RAB3GAP2: variants seen among roughly 807,000 people sequenced by gnomAD.
RAB3GAP2 encodes the protein RAB3 GTPase activating non-catalytic protein subunit 2.
In RAB3GAP2, 87 loss-of-function variants were observed where a neutral mutation model predicts 185.3. The ratio of observed to expected loss-of-function variants is 0.47; its 90% confidence interval spans 0.39 to 0.56. The LOEUF (loss-of-function observed/expected upper bound fraction) is 0.56, where lower values mean the gene tolerates loss of function less well. Ranked by LOEUF, RAB3GAP2 falls within the 20% of genes least tolerant of loss-of-function variation. The pLI is 0.00. For synonymous variants in RAB3GAP2, 554 were observed against 576.1 expected, an observed-to-expected ratio of 0.96 and a Z score of 0.55; for missense variants, 1,492 against 1,638.2, an observed-to-expected ratio of 0.91 and a Z score of 1.54.
At chr1:220,218,636 G>A (rs909441124) in intron 2 of RAB3GAP2, among the ~76,000 whole-genome samples, 5 of 152,014 alleles carry the variant, frequency 3.3e-5, no homozygotes, top group African/African-American at 4.8e-5. Context: ...TATATCTAAT[G>A]TAAATGACGA....
chr1:220,174,714 C>T (rs1440501477), intron 21 of RAB3GAP2, among the ~76,000 whole-genome samples: 3 of 152,136 alleles, frequency 2.0e-5, no homozygotes, highest in Non-Finnish European at 2.9e-5. Flanking sequence ...ACAATAAATG[C>T]TAATGGCTAC....
chr1:220,252,182 GA>G (rs1659946732), intron 1 of RAB3GAP2, among the ~76,000 whole-genome samples: 1 of 136,694 alleles, frequency 7.3e-6, no homozygotes, highest in Non-Finnish European at 1.6e-5. Flanking sequence ...AGAAAATGAA[GA>G]AAAAAAACAA....
At chr1:220,222,634 A>G (rs1442714679) in intron 2 of RAB3GAP2, among the ~76,000 whole-genome samples, 1 of 152,240 alleles carries the variant, frequency 6.6e-6, no homozygotes, top group Non-Finnish European at 1.5e-5. Flanking sequence ...ACTCTAACTC[A>G]GTAACTCTTA....
intron 4 of RAB3GAP2, 27 bp downstream of exon 4, chr1:220,212,860 G>T: frequency 6.4e-7 from 1 of 1,566,480 alleles, no homozygotes; most frequent in South Asian, 1.1e-5. Context: ...GTAACACACA[G>T]AGAAACAAAA....
intron 1 of RAB3GAP2, among the ~76,000 whole-genome samples, chr1:220,256,988 A>G (rs934993174): frequency 1.3e-5 from 2 of 152,236 alleles, no homozygotes; most frequent in Non-Finnish European, 2.9e-5. Flanking sequence ...AATTGATCAC[A>G]TAATCAGAAG....
chr1:220,179,830 A>T (rs1658366755), intron 21 of RAB3GAP2, among the ~76,000 whole-genome samples: 1 of 152,214 alleles, frequency 6.6e-6, no homozygotes, highest in Non-Finnish European at 1.5e-5. Flanking sequence ...AAATGGAAAT[A>T]CAACATACTA....
Position 220,172,741 on chromosome 1 carries a change from G to C in RAB3GAP2, c.2312C>G (p.Ser771Cys), listed in dbSNP as rs769592384. The C allele has an allele frequency of 6.3e-7, 1 of 1,599,924 alleles. No individual in the cohort carries two copies. Among genetic ancestry groups the C allele is most frequent in the Admixed American group, 1.7e-5 (1 of 59,976 alleles). ...TGAAAGCCAAACACTCAGGAGCAGA[G>C]ACTGAAATCAAATTTAAATCTTTTT... is the stretch of plus-strand genomic sequence containing the variant. ...SAGLSPQLLL[S>C]LLLSVWLSKE... Residue 771 changes from serine (S) to cysteine (C), a missense_variant and splice_region_variant, in exon 22 of 35, where the codon TCT (serine) becomes TGT (cysteine). By Grantham distance (112) the Ser-to-Cys change is moderately radical (BLOSUM62 -1). Around this residue, in one of 5 missense-constraint regions of RAB3GAP2, gnomAD observed 681 missense variants for 689.1 expected, o/e 0.99. Transcript: ENST00000358951.
intron 16 of RAB3GAP2, 35 bp downstream of exon 16, chr1:220,190,029 A>T (rs764523085): frequency 1.4e-6 from 2 of 1,463,274 alleles, no homozygotes; most frequent in Non-Finnish European, 1.9e-6. Flanking sequence ...ATGATAGAAC[A>T]ATATGCTTTA....
chr1:220,246,140 G>T (rs1375333512), intron 1 of RAB3GAP2, among the ~76,000 whole-genome samples: 1 of 152,130 alleles, frequency 6.6e-6, no homozygotes, highest in Non-Finnish European at 1.5e-5. Context: ...CTTCTCAAAA[G>T]AAGACATCTA....
intron 1 of RAB3GAP2, among the ~76,000 whole-genome samples, chr1:220,265,682 T>C (rs915433091): frequency 4.0e-4 from 61 of 152,180 alleles, no homozygotes; most frequent in African/African-American, 1.4e-3. Flanking sequence ...TTCTAGCACT[T>C]TGAGAGTCCA....
chr1:220,256,506 CAA>C (rs947660594), intron 1 of RAB3GAP2, among the ~76,000 whole-genome samples: 2 of 152,158 alleles, frequency 1.3e-5, no homozygotes, highest in African/African-American at 4.8e-5. Flanking sequence ...ACCTCACATG[CAA>C]AGACACATAG....
intron 33 of RAB3GAP2, among the ~76,000 whole-genome samples, chr1:220,152,951 C>T (rs542441812): frequency 1.3e-5 from 2 of 152,254 alleles, no homozygotes; most frequent in South Asian, 4.2e-4. Context: ...ATGAAGGAAC[C>T]TTGTCTGTTT....
At position 220,167,537 on chromosome 1, in the gene RAB3GAP2, A is replaced by G. The variant is rs1167541927; in HGVS notation, c.2945T>C (p.Val982Ala). The G allele has an allele frequency of 6.2e-7, 1 of 1,614,002 alleles. No homozygotes were observed. Among genetic ancestry groups the G allele is most frequent in the Non-Finnish European group, 8.5e-7 (1 of 1,180,014 alleles). ...KEGVNRSFLE[V>A]SEMEMDLGAI... ...TCCTAAGTCCATCTCCATCTCTGAT[A>G]CCTCAAGGAAACTTCTGTTAACACC... is the stretch of plus-strand genomic sequence containing the variant. The change falls in exon 25 of 35, where the codon GTA (valine) becomes GCA (alanine). Residue 982 changes from valine (V) to alanine (A), a missense_variant. Physicochemically the swap from Val to Ala is moderately conservative, Grantham distance 64. This residue lies in a region of RAB3GAP2 where 681 missense variants were observed against 689.1 expected (regional missense o/e 0.99). Transcript: ENST00000358951.
At chr1:220,236,677 A>G (rs1042140120) in intron 1 of RAB3GAP2, among the ~76,000 whole-genome samples, 1 of 152,108 alleles carries the variant, frequency 6.6e-6, no homozygotes, top group African/African-American at 2.4e-5. Flanking sequence ...TTCTTTAGAA[A>G]AAAAAAAAAA....
intron 24 of RAB3GAP2, among the ~76,000 whole-genome samples, chr1:220,169,912 T>C (rs771568288): frequency 6.6e-6 from 1 of 152,214 alleles, no homozygotes; most frequent in Non-Finnish European, 1.5e-5. Context: ...AGCAATCCCA[T>C]TACTGGGTAT....
chr1:220,163,444 G>A (rs1247827399), intron 27 of RAB3GAP2, among the ~76,000 whole-genome samples: 4 of 148,968 alleles, frequency 2.7e-5, no homozygotes, highest in African/African-American at 9.9e-5. Flanking sequence ...CTCACTGCAA[G>A]CTCCGCCTCC....
rs886046024 is a variant in RAB3GAP2 at position 220,212,890 on chromosome 1, T to G, written c.383A>C (p.Glu128Ala). The change falls in exon 4 of 35, where the codon GAA (glutamate) becomes GCA (alanine). Residue 128 changes from glutamate to alanine, a missense_variant. Transcript: ENST00000358951. ...ACAAAAATTAACTGGCACCTACCCT[T>G]CTTCGACATTTAAGGAACCACTCCA... is the stretch of plus-strand genomic sequence containing the variant. ...VGWSGSLNVE[E>A]GECVTSALCI... 19 of 1,611,256 alleles carry G rather than the reference T, an allele frequency of 1.2e-5. No individual in the cohort carries two copies. The highest frequency in any genetic ancestry group is 1.6e-5 in the Non-Finnish European group (19 of 1,177,592).
chr1:220,202,147 A>G, intron 9 of RAB3GAP2, 129 bp downstream of exon 9: 1 of 1,026,214 alleles, frequency 9.7e-7, no homozygotes, highest in Non-Finnish European at 1.3e-6. Flanking sequence ...CCTGGGTGAC[A>G]GAGCAAAGCT....
intron 8 of RAB3GAP2, among the ~76,000 whole-genome samples, chr1:220,203,182 CA>C (rs995314442): frequency 2.0e-5 from 3 of 152,050 alleles, no homozygotes; most frequent in African/African-American, 4.8e-5. Flanking sequence ...ACAGCACTGT[CA>C]AAAAAATGAA....
Sources: allele counts gnomAD v4.1 joint callset (sites outside exome capture counted in the v4.1 genomes callset), GRCh38; gene constraint gnomAD v4.1.1; regional missense constraint gnomAD v4.1.1; transcripts MANE v1.5; gene names NCBI Gene and HGNC (gene_info 2026-07-23, HGNC 2026-07-21).